Variants in RTN4 observed in about 807,000 individuals in gnomAD.
RTN4 encodes the protein reticulon-4.
RTN4 carries 32 observed loss-of-function variants against 90.4 expected under a neutral mutation model. The observed-to-expected ratio is 0.35, with a 90% CI of 0.27 to 0.48. The LOEUF (loss-of-function observed/expected upper bound fraction) is 0.48. Ranked by LOEUF, RTN4 falls within the 20% of genes least tolerant of loss-of-function variation. The probability of loss-of-function intolerance (pLI) is 0.99; values close to 1 mark genes in which losing one functional copy is unlikely to be tolerated. For missense variants in RTN4, 1,706 were observed against 1,430.2 expected (o/e 1.19, Z -3.11); for synonymous variants, 629 against 552.5 (o/e 1.14, Z -1.94).
chr2:55,020,466 C>T (rs1445608857), intron 3 of RTN4, among the ~76,000 whole-genome samples: 1 of 144,626 alleles, frequency 6.9e-6, no homozygotes, highest in Admixed American at 7.1e-5. Context: ...ATGCCAAGAA[C>T]ATTCATTGAT....
rs148629167 is a variant in RTN4, at chr2:55,035,368, G to A, written c.557-7148C>T. 2.3e-4 allele frequency among the ~76,000 whole-genome samples: 35 copies of A among 152,148 alleles called. 1 individual carries two copies. In the East Asian group the frequency reaches 6.4e-3, roughly 28 times the overall value. ...AAAATATCCTCAAATGTTTAAAAAC[G>A]AAACTACAGAATTCTAAATAATCCA... On this transcript the variant is annotated intron_variant, in intron 1 of 8. Transcript: ENST00000337526.
chr2:54,972,260 A>T lies in RTN4; in HGVS notation c.*896T>A, dbSNP rs200686138. 14 of 152,720 alleles carry T rather than the reference A, an allele frequency of 9.2e-5. No individual in the cohort carries two copies. Among genetic ancestry groups the T allele is most frequent in the South Asian group, 6.2e-4 (3 of 4,836 alleles). The allele number at this position is 152,720 out of a possible 1,614,324, so 9.5% of individuals were successfully genotyped here. ...ATGCATTCCACAGATTTAGTTCAGT[A>T]CAGCTTAAACCACAATGGTATAAAT... On this transcript the variant is annotated 3_prime_UTR_variant, in exon 9 of 9. Transcript: ENST00000337526.
At position 55,049,057 on chromosome 2, in the gene RTN4, C is replaced by A. The variant is rs533536688; in HGVS notation, c.556+688G>T. The stretch of plus-strand genomic sequence containing the variant: ...GCAGTCCACATCACACCCCGGGGAG[C>A]TGGGCGGTGGCAGGACTTTACCAGA... On this transcript the variant is annotated intron_variant, in intron 1 of 8. Transcript: ENST00000337526. The A allele has an allele frequency of 8.2e-6, 8 of 971,556 alleles. No homozygotes were observed. The African/African-American group carries it at 1.4e-4, about 17-fold the overall frequency. 60.2% of individuals were successfully genotyped at this position (971,556 alleles called of 1,614,324 possible).
chr2:55,097,768 G>A (rs546868142), intron 1 of RTN4, among the ~76,000 whole-genome samples: 8 of 152,164 alleles, frequency 5.3e-5, no homozygotes, highest in African/African-American at 1.9e-4. Flanking sequence ...ATAATGAAGA[G>A]CTGACACTTG....
At chr2:54,983,789 A>G (rs1164547401) in intron 4 of RTN4, among the ~76,000 whole-genome samples, 2 of 152,204 alleles carry the variant, frequency 1.3e-5, no homozygotes, top group Non-Finnish European at 2.9e-5. Context: ...AACTCAAGCA[A>G]GAGTTAGAAG....
At chr2:55,081,165 C>G (rs1192329994) in intron 1 of RTN4, among the ~76,000 whole-genome samples, 1 of 152,168 alleles carries the variant, frequency 6.6e-6, no homozygotes, top group East Asian at 1.9e-4. Flanking sequence ...GCCTCAACCT[C>G]CTGGGCCAAG....
At chr2:55,071,952 A>G (rs1232867364) in intron 2 of RTN4, among the ~76,000 whole-genome samples, 1 of 152,212 alleles carries the variant, frequency 6.6e-6, no homozygotes, top group Non-Finnish European at 1.5e-5. Context: ...TAAAGTTAGA[A>G]GATTGCTAAA....
At chr2:55,056,135 T>C (rs1668186684) in intron 2 of RTN4, among the ~76,000 whole-genome samples, 1 of 151,998 alleles carries the variant, frequency 6.6e-6, no homozygotes, top group Non-Finnish European at 1.5e-5. Flanking sequence ...AAATAAACAA[T>C]TCATAAGTTT....
At chr2:55,085,028 C>T (rs1315714126) in intron 1 of RTN4, among the ~76,000 whole-genome samples, 1 of 152,326 alleles carries the variant, frequency 6.6e-6, no homozygotes, top group African/African-American at 2.4e-5. Context: ...TGGGTTCAAA[C>T]GATCCTCCTG....
intron 1 of RTN4, among the ~76,000 whole-genome samples, chr2:55,034,371 G>A (rs146151591): frequency 2.6e-5 from 4 of 151,990 alleles, no homozygotes; most frequent in Non-Finnish European, 4.4e-5. Flanking sequence ...GCACGGTAGC[G>A]TGTGCCTATA....
chr2:55,135,615 C>A, the RTN4 span, among the ~76,000 whole-genome samples: 1 of 152,174 alleles, frequency 6.6e-6, no homozygotes, highest in Non-Finnish European at 1.5e-5. Context: ...ACACAATAAA[C>A]TGCACAACTT....
chr2:55,062,447 G>A (rs534746929), intron 2 of RTN4, among the ~76,000 whole-genome samples: 76 of 152,212 alleles, frequency 5.0e-4, no homozygotes, highest in Non-Finnish European at 9.3e-4. Context: ...CAGCCTGCGC[G>A]TCTGTGTGCT....
At chr2:55,066,716 AT>A (rs1558865316) in intron 2 of RTN4, among the ~76,000 whole-genome samples, 1 of 151,668 alleles carries the variant, frequency 6.6e-6, no homozygotes, top group African/African-American at 2.4e-5. Flanking sequence ...AAATAAATAA[AT>A]AAATAAATAA....
In RTN4 at chr2:54,992,354, T is replaced by C. The variant is rs142754519; in HGVS notation, c.3014-4656A>G. Among the ~76,000 whole-genome samples, 451 of 152,322 alleles carry C rather than the reference T, an allele frequency of 3.0e-3. 1 individual carries two copies. The highest frequency in any genetic ancestry group is 6.8e-3 in the Middle Eastern group (2 of 294). ...TAGCTGATTAAAGTGCTTCAAAATG[T>C]TATACGTGTGCATGCATAACAAATG... On this transcript the variant is annotated intron_variant, in intron 3 of 8. Transcript: ENST00000337526.
At chr2:55,111,100 A>T (rs1036049268) in intron 1 of RTN4, among the ~76,000 whole-genome samples, 1 of 152,244 alleles carries the variant, frequency 6.6e-6, no homozygotes, top group African/African-American at 2.4e-5. Flanking sequence ...TCTGAAAAAA[A>T]GAAAAGAATA....
intron 1 of RTN4, among the ~76,000 whole-genome samples, chr2:55,033,406 A>G (rs886557718): frequency 6.6e-6 from 1 of 152,226 alleles, no homozygotes; most frequent in Non-Finnish European, 1.5e-5. Context: ...CTAAATTTGT[A>G]GCCCCAAAAT....
the RTN4 span, among the ~76,000 whole-genome samples, chr2:55,134,386 C>A: frequency 6.6e-6 from 1 of 152,150 alleles, no homozygotes; most frequent in Non-Finnish European, 1.5e-5. Context: ...AGATCCTAGA[C>A]TTGGAGAAGG....
At chr2:55,049,676 A>G in intron 1 of RTN4, 69 bp downstream of exon 1, 2 of 1,497,270 alleles carry the variant, frequency 1.3e-6, no homozygotes, top group Non-Finnish European at 1.8e-6. Flanking sequence ...AGCCCAAAGC[A>G]TCTGGGGCTG....
At chr2:54,982,398 C>T (rs1678209143) in intron 5 of RTN4, 117 bp downstream of exon 5, 1 of 870,468 alleles carries the variant, frequency 1.1e-6, no homozygotes, top group Admixed American at 3.1e-5. Flanking sequence ...AGTTTACAGC[C>T]ATGTGATTTA....
Sources: gnomAD v4.1 joint callset for allele counts (sites outside exome capture counted in the v4.1 genomes callset) on GRCh38, gnomAD v4.1.1 for gene constraint, MANE v1.5 for transcripts, NCBI Gene and HGNC (gene_info 2026-07-23, HGNC 2026-07-21) for gene names.